The following IL1RAPL1 variants were observed in gnomAD, a reference collection of about 807,000 sequenced individuals.
IL1RAPL1 encodes the protein interleukin 1 receptor accessory protein like 1.
Under a neutral mutation model 48.4 loss-of-function variants are expected in IL1RAPL1, and 3 were observed. The observed-to-expected ratio is 0.06, with a 90% CI of 0.03 to 0.16. The LOEUF (loss-of-function observed/expected upper bound fraction) is 0.16, where lower values mean the gene tolerates loss of function less well. Among genes scored for constraint, IL1RAPL1 ranks in the 10% least tolerant of loss-of-function variants. The pLI, the probability that IL1RAPL1 is intolerant of heterozygous loss-of-function variation, is 1.00. For synonymous variants in IL1RAPL1, 185 were observed against 187.7 expected, an observed-to-expected ratio of 0.99 and a Z score of 0.12; for missense variants, 349 against 530.6, an observed-to-expected ratio of 0.66 and a Z score of 3.36.
chrX:29,069,343 A>C (rs926337109), intron 2 of IL1RAPL1, among the ~76,000 whole-genome samples: 4 of 111,677 alleles, frequency 3.6e-5, no homozygotes, highest in African/African-American at 6.5e-5. Context: ...AACAATGAGG[A>C]AAAATGGTAA....
At chrX:29,737,882 G>A (rs145690532) in intron 6 of IL1RAPL1, among the ~76,000 whole-genome samples, 131 of 111,879 alleles carry the variant, frequency 1.2e-3, no homozygotes, top group African/African-American at 4.1e-3. Context: ...TATAGCAAAT[G>A]GCTAGAAAAT....
chrX:28,803,221 A>C (rs1392111938), intron 2 of IL1RAPL1, among the ~76,000 whole-genome samples: 3 of 111,641 alleles, frequency 2.7e-5, no homozygotes, highest in African/African-American at 6.5e-5. Context: ...TTAATAATTC[A>C]GGTGTCGAAA....
At chrX:29,702,535 G>A (rs1927081580) in intron 6 of IL1RAPL1, among the ~76,000 whole-genome samples, 1 of 111,966 alleles carries the variant, frequency 8.9e-6, no homozygotes, top group Admixed American at 9.5e-5. Flanking sequence ...ATATGACAGG[G>A]CGGGGAAGCT....
At chrX:29,176,901 G>A (rs189928456) in intron 2 of IL1RAPL1, among the ~76,000 whole-genome samples, 457 of 111,340 alleles carry the variant, frequency 4.1e-3, no homozygotes, top group African/African-American at 0.014. Context: ...AAACCAGAAA[G>A]CATTTGATTT....
At chrX:29,502,395 A>G (rs776368311) in intron 5 of IL1RAPL1, among the ~76,000 whole-genome samples, 8 of 111,483 alleles carry the variant, frequency 7.2e-5, no homozygotes, top group African/African-American at 2.6e-4. Context: ...TTGTCTTGTT[A>G]CAGATCTTAG....
In IL1RAPL1 at chrX:28,633,154, G is replaced by A. The variant is rs995172202; in HGVS notation, c.-25+45107G>A. 2.7e-5 allele frequency among the ~76,000 whole-genome samples: 3 copies of A among 111,246 alleles called. No homozygotes were observed. In the Admixed American group the frequency reaches 2.9e-4, roughly 11 times the overall value. On this transcript the variant is annotated intron_variant, in intron 1 of 10. Transcript: ENST00000378993. ...CGTGCCCACCTTGACCTCTCAAAGT[G>A]CTGGGATTACAGGCATGAACCACCA... is the stretch of plus-strand genomic sequence containing the variant.
chrX:29,927,607 T>G (rs1179287536), intron 8 of IL1RAPL1, among the ~76,000 whole-genome samples: 1 of 111,709 alleles, frequency 9.0e-6, no homozygotes, highest in African/African-American at 3.3e-5. Context: ...CATTTCCTAT[T>G]TATCTCATTT....
intron 2 of IL1RAPL1, among the ~76,000 whole-genome samples, chrX:28,830,641 A>T (rs1292541969): frequency 9.0e-6 from 1 of 111,362 alleles, no homozygotes; most frequent in Non-Finnish European, 1.9e-5. Context: ...TAGGTTCAGT[A>T]CTTGGGCTCC....
intron 5 of IL1RAPL1, among the ~76,000 whole-genome samples, chrX:29,636,664 T>C (rs1348395741): frequency 8.9e-6 from 1 of 112,051 alleles, no homozygotes; most frequent in African/African-American, 3.2e-5. Flanking sequence ...ACTTAGTGTA[T>C]AGAACCTAGT....
chrX:28,861,868 AT>A (rs71893355), intron 2 of IL1RAPL1, among the ~76,000 whole-genome samples: 3,417 of 106,718 alleles, frequency 0.032, 128 homozygotes, highest in African/African-American at 0.11. Context: ...TTAATTTTCT[AT>A]TTTTTTTTTC....
At chrX:29,610,616 G>C (rs1333258703) in intron 5 of IL1RAPL1, among the ~76,000 whole-genome samples, 1 of 112,249 alleles carries the variant, frequency 8.9e-6, no homozygotes, top group Non-Finnish European at 1.9e-5. Context: ...AAAAAGCAGG[G>C]GAAGATGTCA....
intron 2 of IL1RAPL1, among the ~76,000 whole-genome samples, chrX:28,926,583 T>TTA (rs1454800226): frequency 4.5e-5 from 5 of 111,704 alleles, no homozygotes; most frequent in Non-Finnish European, 9.4e-5. Flanking sequence ...ACAGGCTTGA[T>TTA]TATAGCAAAC....
intron 3 of IL1RAPL1, among the ~76,000 whole-genome samples, chrX:29,373,644 T>A (rs1933575893): frequency 9.0e-6 from 1 of 110,543 alleles, no homozygotes; most frequent in African/African-American, 3.3e-5. Flanking sequence ...GAATAGATTT[T>A]GGATTTTATC....
At chrX:29,103,553 T>A (rs901881417) in intron 2 of IL1RAPL1, among the ~76,000 whole-genome samples, 1 of 107,536 alleles carries the variant, frequency 9.3e-6, no homozygotes, top group Non-Finnish European at 1.9e-5. Context: ...TCTAGGACAT[T>A]GGACTGGGCA....
At position 29,943,834 on chromosome X, in the gene IL1RAPL1, C is replaced by G. The variant is rs1933174500; in HGVS notation, c.1201+2040C>G. ...TGATTCGAAGTTTCGTTTAGTGGGT[C>G]CTGCTAATTGTAAACACTTCAGTGA... On this transcript the variant is annotated intron_variant, in intron 9 of 10. Transcript: ENST00000378993. Among the ~76,000 whole-genome samples, 4 of 111,922 alleles carry G rather than the reference C, an allele frequency of 3.6e-5. No individual in the cohort carries two copies. The Admixed American group carries it at 3.8e-4, about 11-fold the overall frequency.
intron 2 of IL1RAPL1, among the ~76,000 whole-genome samples, chrX:29,139,680 C>G (rs1414152533): frequency 9.0e-6 from 1 of 110,836 alleles, no homozygotes; most frequent in African/African-American, 3.3e-5. Context: ...ATTCTTGAGT[C>G]CAGAATAAAT....
At chrX:29,141,347 A>G (rs2147491767) in intron 2 of IL1RAPL1, among the ~76,000 whole-genome samples, 1 of 111,660 alleles carries the variant, frequency 9.0e-6, no homozygotes, top group African/African-American at 3.2e-5. Flanking sequence ...AGCCATCTCA[A>G]TAAAACTTAC....
intron 2 of IL1RAPL1, among the ~76,000 whole-genome samples, chrX:28,909,876 T>C (rs183505314): frequency 1.1e-4 from 12 of 111,865 alleles, no homozygotes; most frequent in Non-Finnish European, 2.1e-4. Context: ...AGCAATTTGC[T>C]GTTGAATTCT....
At chrX:29,293,586 G>A (rs748127292) in intron 3 of IL1RAPL1, among the ~76,000 whole-genome samples, 24 of 111,298 alleles carry the variant, frequency 2.2e-4, no homozygotes, top group Non-Finnish European at 4.3e-4. Flanking sequence ...TTCCATTTTA[G>A]GTCAAATGAA....
Sources: gnomAD v4.1 joint callset for allele counts (sites outside exome capture counted in the v4.1 genomes callset) on GRCh38, gnomAD v4.1.1 for gene constraint, MANE v1.5 for transcripts, NCBI Gene and HGNC (gene_info 2026-07-23, HGNC 2026-07-21) for gene names.